Variants in FARS2 observed in about 807,000 individuals in gnomAD.
The protein encoded by FARS2 is phenylalanyl-tRNA synthetase 2, mitochondrial.
FARS2 carries 40 observed loss-of-function variants against 46.4 expected under a neutral mutation model. The ratio of observed to expected loss-of-function variants is 0.86; its 90% CI spans 0.67 to 1.12. The LOEUF is 1.12. Ranked by LOEUF, FARS2 falls within the 50% of genes most tolerant of loss-of-function variation. The pLI is 0.00. For missense variants in FARS2, 513 were observed against 567.9 expected, an observed-to-expected ratio of 0.90 and a Z score of 0.98; for synonymous variants, 234 against 214.9, an observed-to-expected ratio of 1.09 and a Z score of -0.78.
intron 4 of FARS2, among the ~76,000 whole-genome samples, chr6:5,542,858 A>G (rs906348255): frequency 6.6e-6 from 1 of 152,170 alleles, no homozygotes; most frequent in African/African-American, 2.4e-5. Flanking sequence ...TTAGAGAAGT[A>G]TGTTGTTTAA....
At chr6:5,685,895 G>A (rs978546477) in intron 6 of FARS2, among the ~76,000 whole-genome samples, 8 of 152,270 alleles carry the variant, frequency 5.3e-5, no homozygotes, top group South Asian at 2.1e-4. Context: ...AATGAAGACT[G>A]TAATTTTTAA....
chr6:5,621,543 A>T (rs1775778002), intron 6 of FARS2, among the ~76,000 whole-genome samples: 1 of 152,224 alleles, frequency 6.6e-6, no homozygotes, highest in Non-Finnish European at 1.5e-5. Context: ...CTTGAAATGG[A>T]AGGTACCCAT....
At chr6:5,678,906 C>A (rs186538050) in intron 6 of FARS2, among the ~76,000 whole-genome samples, 14 of 152,298 alleles carry the variant, frequency 9.2e-5, no homozygotes, top group African/African-American at 3.4e-4. Flanking sequence ...TGACCGAATG[C>A]GGAAATACCT....
chr6:5,548,191 C>T (rs1367953252), intron 5 of FARS2, among the ~76,000 whole-genome samples: 1 of 152,166 alleles, frequency 6.6e-6, no homozygotes, highest in Non-Finnish European at 1.5e-5. Context: ...TTACCTCCAC[C>T]TGAGTTGCTC....
chr6:5,686,124 G>C (rs1226950940), intron 6 of FARS2, among the ~76,000 whole-genome samples: 1 of 152,188 alleles, frequency 6.6e-6, no homozygotes, highest in Non-Finnish European at 1.5e-5. Flanking sequence ...CTGGGCCATA[G>C]TGAGTGCTCA....
At chr6:5,636,948 C>T (rs907607146) in intron 6 of FARS2, among the ~76,000 whole-genome samples, 4 of 152,254 alleles carry the variant, frequency 2.6e-5, no homozygotes, top group African/African-American at 4.8e-5. Flanking sequence ...CAGGGCCTCA[C>T]AGGGAGAAAC....
chr6:5,728,314 C>G (rs1035772605), intron 6 of FARS2, among the ~76,000 whole-genome samples: 1 of 151,950 alleles, frequency 6.6e-6, no homozygotes, highest in South Asian at 2.1e-4. Flanking sequence ...GTCTTGAGTG[C>G]TTTCACTCAG....
chr6:5,351,415 C>T (rs1439210439), intron 1 of FARS2, among the ~76,000 whole-genome samples: 2 of 152,164 alleles, frequency 1.3e-5, no homozygotes, highest in South Asian at 2.1e-4. Flanking sequence ...AGTTCTATGA[C>T]AACTGGACCT....
intron 1 of FARS2, among the ~76,000 whole-genome samples, chr6:5,310,079 A>G (rs571090936): frequency 7.2e-5 from 11 of 152,198 alleles, no homozygotes; most frequent in Non-Finnish European, 1.5e-4. Context: ...TGGACCTGAA[A>G]TTAGATTATG....
At chr6:5,650,939 T>C (rs1777329730) in intron 6 of FARS2, among the ~76,000 whole-genome samples, 1 of 152,210 alleles carries the variant, frequency 6.6e-6, no homozygotes. Flanking sequence ...TTCCACCAAT[T>C]ATTCACCCTC....
At chr6:5,460,964 G>A (rs565649846) in intron 4 of FARS2, among the ~76,000 whole-genome samples, 2 of 151,858 alleles carry the variant, frequency 1.3e-5, no homozygotes, top group South Asian at 4.2e-4. Flanking sequence ...ACCACACCAG[G>A]GCTGTGTGTG....
chr6:5,547,803 C>T (rs1461956750), intron 5 of FARS2, among the ~76,000 whole-genome samples: 4 of 152,228 alleles, frequency 2.6e-5, no homozygotes, highest in Non-Finnish European at 4.4e-5. Context: ...AGCAGGCTAG[C>T]TCTTCTGCCT....
At chr6:5,433,449 A>G (rs1171476457) in intron 4 of FARS2, among the ~76,000 whole-genome samples, 1 of 152,352 alleles carries the variant, frequency 6.6e-6, no homozygotes, top group African/African-American at 2.4e-5. Context: ...TGCCTGTGAT[A>G]GAAACAATTT....
chr6:5,253,776 G>C, the FARS2 span, among the ~76,000 whole-genome samples: 42 of 150,416 alleles, frequency 2.8e-4, no homozygotes, highest in South Asian at 8.0e-3. Context: ...ATGGTCGTTC[G>C]ATCTGAAGCA....
chr6:5,327,881 T>C (rs766908197), intron 1 of FARS2, among the ~76,000 whole-genome samples: 4 of 152,226 alleles, frequency 2.6e-5, no homozygotes. Flanking sequence ...CCACTGACCC[T>C]GTGTTGACTT....
intron 6 of FARS2, among the ~76,000 whole-genome samples, chr6:5,752,220 T>C (rs943043460): frequency 3.3e-5 from 5 of 152,114 alleles, no homozygotes; most frequent in East Asian, 1.9e-4. Flanking sequence ...AGCTAAACCA[T>C]GGGACATATT....
intron 6 of FARS2, among the ~76,000 whole-genome samples, chr6:5,689,678 G>C (rs949149526): frequency 5.7e-4 from 87 of 152,142 alleles, no homozygotes; most frequent in African/African-American, 2.1e-3. Context: ...ATATTCTGTT[G>C]ATTTGGGGTG....
At chr6:5,653,427 T>C (rs764451631) in intron 6 of FARS2, among the ~76,000 whole-genome samples, 2 of 152,238 alleles carry the variant, frequency 1.3e-5, no homozygotes, top group Non-Finnish European at 2.9e-5. Flanking sequence ...AAGTATTTAT[T>C]GTGCACCTAC....
chr6:5,344,529 G>A (rs927038439), intron 1 of FARS2, among the ~76,000 whole-genome samples: 4 of 152,178 alleles, frequency 2.6e-5, no homozygotes, highest in Non-Finnish European at 4.4e-5. Flanking sequence ...TAGGGAGGAG[G>A]CAGTGTGTTA....
Sources: gnomAD v4.1 joint callset for allele counts (sites outside exome capture counted in the v4.1 genomes callset) on GRCh38, gnomAD v4.1.1 for gene constraint, MANE v1.5 for transcripts, NCBI Gene and HGNC (gene_info 2026-07-23, HGNC 2026-07-21) for gene names.